Variants in CHRM5 observed in about 807,000 individuals in gnomAD.
CHRM5 encodes muscarinic acetylcholine receptor M5.
A neutral mutation model predicts 39.0 loss-of-function variants in CHRM5; 18 were observed. The ratio of observed to expected loss-of-function variants is 0.46; its 90% CI spans 0.32 to 0.68. The LOEUF (loss-of-function observed/expected upper bound fraction) is 0.68. Ranked by LOEUF, CHRM5 falls within the 30% of genes least tolerant of loss-of-function variation. The probability of loss-of-function intolerance (pLI) is 0.04; values close to 1 mark genes in which losing one functional copy is unlikely to be tolerated. For missense variants in CHRM5, 515 were observed against 651.1 expected (o/e 0.79, Z 2.28); for synonymous variants, 241 against 246.3 (o/e 0.98, Z 0.20).
At chr15:34,045,618 T>C (rs1212832181) in intron 1 of CHRM5, among the ~76,000 whole-genome samples, 1 of 152,110 alleles carries the variant, frequency 6.6e-6, no homozygotes, top group Non-Finnish European at 1.5e-5. Context: ...CACTGGGTTG[T>C]AGATGCCATT....
chr15:34,038,886 C>T, intron 1 of CHRM5: 1 of 1,139,706 alleles, frequency 8.8e-7, no homozygotes, highest in Non-Finnish European at 1.1e-6. Flanking sequence ...CCGGCCACGG[C>T]CACGGCCCCG....
At chr15:34,002,288 T>G (rs1897165855) in intron 1 of CHRM5, among the ~76,000 whole-genome samples, 1 of 152,354 alleles carries the variant, frequency 6.6e-6, no homozygotes, top group South Asian at 2.1e-4. Flanking sequence ...CCCAGGGATC[T>G]GTCACGCTGC....
At chr15:34,009,514 T>G (rs1334334649) in intron 1 of CHRM5, among the ~76,000 whole-genome samples, 2 of 152,144 alleles carry the variant, frequency 1.3e-5, no homozygotes, top group Admixed American at 6.5e-5. Flanking sequence ...TACAGGAGAT[T>G]CACTTTAGAT....
intron 1 of CHRM5, among the ~76,000 whole-genome samples, chr15:34,014,235 G>A (rs934980497): frequency 6.6e-6 from 1 of 151,756 alleles, no homozygotes; most frequent in South Asian, 2.1e-4. Flanking sequence ...GTGGTGGCAC[G>A]CACCTGTAAC....
intron 1 of CHRM5, among the ~76,000 whole-genome samples, chr15:34,013,073 G>T (rs12594902): frequency 0.47 from 71,727 of 151,592 alleles, 20,168 homozygotes; most frequent in Non-Finnish European, 0.63. Flanking sequence ...TTGTTTGTTT[G>T]TTTTTTGAGA....
intron 1 of CHRM5, among the ~76,000 whole-genome samples, chr15:34,020,330 A>G (rs1398838611): frequency 1.3e-5 from 2 of 152,144 alleles, no homozygotes; most frequent in Non-Finnish European, 2.9e-5. Flanking sequence ...AGAAAAAAAA[A>G]TAGAGGTTTT....
intron 1 of CHRM5, among the ~76,000 whole-genome samples, chr15:34,011,844 T>C (rs1306685065): frequency 2.0e-5 from 3 of 152,186 alleles, no homozygotes; most frequent in Admixed American, 6.5e-5. Flanking sequence ...GACTATGGGA[T>C]TTCTCAAAGT....
At chr15:34,003,978 C>T (rs986814107) in intron 1 of CHRM5, among the ~76,000 whole-genome samples, 13 of 152,190 alleles carry the variant, frequency 8.5e-5, no homozygotes, top group Non-Finnish European at 1.8e-4. Context: ...GTCAAGGCCA[C>T]TTCATTTGCC....
chr15:34,031,516 A>G (rs117946907), intron 1 of CHRM5, among the ~76,000 whole-genome samples: 2,328 of 152,252 alleles, frequency 0.015, 27 homozygotes, highest in Middle Eastern at 0.024. Context: ...CCTCAATGTA[A>G]GTTTGACTTG....
intron 1 of CHRM5, among the ~76,000 whole-genome samples, chr15:34,029,890 T>C (rs1171917300): frequency 6.6e-6 from 1 of 152,182 alleles, no homozygotes; most frequent in African/African-American, 2.4e-5. Flanking sequence ...AAAAATGATG[T>C]TGAAACATTC....
At chr15:34,033,672 T>C (rs1898970101) in intron 1 of CHRM5, among the ~76,000 whole-genome samples, 1 of 152,188 alleles carries the variant, frequency 6.6e-6, no homozygotes, top group Non-Finnish European at 1.5e-5. Flanking sequence ...TAAAAAACTT[T>C]CAAGTATGAA....
intron 1 of CHRM5, among the ~76,000 whole-genome samples, chr15:33,978,363 A>G (rs1895982258): frequency 6.6e-6 from 1 of 152,134 alleles, no homozygotes; most frequent in South Asian, 2.1e-4. Context: ...AAAACATCAA[A>G]TGAAAATTAA....
intron 1 of CHRM5, among the ~76,000 whole-genome samples, chr15:34,008,519 T>G (rs1381034214): frequency 1.4e-5 from 2 of 142,470 alleles, no homozygotes; most frequent in Non-Finnish European, 3.0e-5. Context: ...GACAGAGTCT[T>G]GCTCTGTCAC....
intron 1 of CHRM5, among the ~76,000 whole-genome samples, chr15:33,994,971 A>C (rs1263508706): frequency 6.6e-6 from 1 of 152,208 alleles, no homozygotes; most frequent in Non-Finnish European, 1.5e-5. Context: ...AATAAAAAAT[A>C]ATAATACTGG....
chr15:34,040,921 C>G (rs141185266), intron 1 of CHRM5, among the ~76,000 whole-genome samples: 1,803 of 150,910 alleles, frequency 0.012, 9 homozygotes, highest in Non-Finnish European at 0.019. Context: ...AAGATTTCAA[C>G]ATGAATTTTG....
chr15:33,973,665 G>C (rs1461223557), intron 1 of CHRM5, among the ~76,000 whole-genome samples: 4 of 152,084 alleles, frequency 2.6e-5, no homozygotes, highest in Non-Finnish European at 5.9e-5. Flanking sequence ...AACACAGCAA[G>C]ACTCCATCTC....
chr15:34,063,940 C>T lies in CHRM5; in HGVS notation c.1223C>T (p.Pro408Leu), dbSNP rs2140848745. 8 of 1,614,186 alleles carry T rather than the reference C, an allele frequency of 5.0e-6. No individual in the cohort carries two copies. In the African/African-American group the frequency reaches 5.3e-5, roughly 11 times the overall value. Residue 408 changes from proline (P) to leucine (L), a missense_variant, in exon 3 of 3, where the codon CCA becomes CTA. By Grantham distance (98) the Pro-to-Leu change is moderately conservative. Coordinates refer to ENST00000383263, the MANE Select transcript of CHRM5 (RefSeq NM_012125.4). The surrounding 1 kb of genome is among the most constrained non-coding windows in gnomAD (Gnocchi z 4.1). ...GTGAAAATCATGCCCTGCCCCTTCCCAGTGGCCAAGGAACCTTCAACGAAA... is the reference window on the plus strand; with the variant it reads ...GTGAAAATCATGCCCTGCCCCTTCCTAGTGGCCAAGGAACCTTCAACGAAA... Reference protein sequence around the residue: ...HKVKIMPCPFPVAKEPSTKGL... With the variant: ...HKVKIMPCPFLVAKEPSTKGL...
chr15:33,976,737 C>T (rs1264391704), intron 1 of CHRM5, among the ~76,000 whole-genome samples: 1 of 152,016 alleles, frequency 6.6e-6, no homozygotes, highest in African/African-American at 2.4e-5. Flanking sequence ...ATGTATTGTA[C>T]CTCTCCTGTC....
intron 1 of CHRM5, chr15:34,006,982 G>C: frequency 2.7e-6 from 2 of 729,534 alleles, no homozygotes; most frequent in Non-Finnish European, 3.4e-6. Flanking sequence ...AAAGATAAAG[G>C]CATCATTTTC....
Sources: gnomAD v4.1 joint callset for allele counts (sites outside exome capture counted in the v4.1 genomes callset) on GRCh38, gnomAD v4.1.1 for gene constraint, Gnocchi (gnomAD v3.1) non-coding constraint, MANE v1.5 for transcripts, NCBI Gene and HGNC (gene_info 2026-07-23, HGNC 2026-07-21) for gene names.